GPC5: variants seen among roughly 807,000 people sequenced by gnomAD.
The protein encoded by GPC5 is glypican 5, also known as glypican-5.
A neutral mutation model predicts 53.9 loss-of-function variants in GPC5; 47 were observed. That is an observed-to-expected ratio of 0.87 (90% CI 0.69 to 1.11). GPC5 has a LOEUF of 1.11. GPC5 is among the 50% of genes most tolerant of loss of function. The pLI is 0.00. For synonymous variants in GPC5, 286 were observed against 263.3 expected, an observed-to-expected ratio of 1.09 and a Z score of -0.84; for missense variants, 748 against 713.1, an observed-to-expected ratio of 1.05 and a Z score of -0.56.
chr13:91,437,670 G>A (rs914229180), intron 1 of GPC5, among the ~76,000 whole-genome samples: 1 of 152,092 alleles, frequency 6.6e-6, no homozygotes, highest in Admixed American at 6.6e-5. Flanking sequence ...TATCTTTGTG[G>A]CGTTCTCTGT....
chr13:91,958,170 A>C (rs1266068230), intron 6 of GPC5, among the ~76,000 whole-genome samples: 2 of 151,934 alleles, frequency 1.3e-5, no homozygotes, highest in Non-Finnish European at 1.5e-5. Context: ...TATAGACTGA[A>C]AGTAAAGTGG....
intron 6 of GPC5, among the ~76,000 whole-genome samples, chr13:91,971,785 T>A (rs2040244825): frequency 6.6e-6 from 1 of 152,168 alleles, no homozygotes; most frequent in Non-Finnish European, 1.5e-5. Context: ...TTTGAGTGAG[T>A]TTCTTAATCC....
intron 2 of GPC5, among the ~76,000 whole-genome samples, chr13:91,497,816 C>T (rs778546660): frequency 8.6e-5 from 13 of 152,014 alleles, no homozygotes; most frequent in Non-Finnish European, 1.5e-4. Flanking sequence ...TTTAAATTAT[C>T]GTGGGTACAT....
At chr13:92,593,836 T>A (rs1883787697) in intron 7 of GPC5, among the ~76,000 whole-genome samples, 1 of 152,182 alleles carries the variant, frequency 6.6e-6, no homozygotes, top group African/African-American at 2.4e-5. Flanking sequence ...ACAAAGGTAT[T>A]TCAGTGGATT....
chr13:92,731,336 A>G (rs887027139), intron 7 of GPC5, among the ~76,000 whole-genome samples: 1 of 151,568 alleles, frequency 6.6e-6, no homozygotes, highest in African/African-American at 2.4e-5. Flanking sequence ...TTATTTAATA[A>G]AACAAAAATA....
intron 7 of GPC5, among the ~76,000 whole-genome samples, chr13:92,536,868 C>A (rs1388919090): frequency 3.3e-5 from 5 of 151,844 alleles, no homozygotes; most frequent in South Asian, 2.1e-4. Context: ...AAATTTTAAT[C>A]TTTTATTTTT....
chr13:92,516,344 A>T (rs535750600), intron 7 of GPC5, among the ~76,000 whole-genome samples: 111 of 152,304 alleles, frequency 7.3e-4, no homozygotes, highest in Non-Finnish European at 1.4e-3. Context: ...GTTTTTTATT[A>T]AACTATAAAA....
At position 92,645,723 on chromosome 13, in the gene GPC5, T is replaced by C. The variant is rs529264952; in HGVS notation, c.1562-220559T>C. On this transcript the variant is annotated intron_variant, in intron 7 of 7. Transcript: ENST00000377067. ...ATCTTATCTTTATTTTTATATTAAA[T>C]GTTGCAATAAATGATATTTCCTTGT... 4.6e-5 allele frequency among the ~76,000 whole-genome samples: 7 copies of C among 152,256 alleles called. No individual in the cohort carries two copies. The South Asian group carries it at 1.5e-3, about 32-fold the overall frequency.
chr13:91,608,845 T>C (rs1189953706), intron 2 of GPC5, among the ~76,000 whole-genome samples: 2 of 151,778 alleles, frequency 1.3e-5, no homozygotes, highest in Non-Finnish European at 2.9e-5. Flanking sequence ...GTATTTGCTG[T>C]TAATGATTGG....
intron 7 of GPC5, among the ~76,000 whole-genome samples, chr13:92,527,207 A>AAG (rs1421035079): frequency 3.0e-5 from 1 of 33,142 alleles, no homozygotes; most frequent in Non-Finnish European, 4.7e-5. Context: ...GAAAGAAAGA[A>AAG]AGAAAGAAAG....
At chr13:92,358,506 A>AT (rs1325062565) in intron 7 of GPC5, among the ~76,000 whole-genome samples, 2 of 151,512 alleles carry the variant, frequency 1.3e-5, no homozygotes, top group Admixed American at 6.6e-5. Context: ...CCAACCCCAC[A>AT]TTTCCCCTGT....
At chr13:91,582,092 T>G (rs941632695) in intron 2 of GPC5, among the ~76,000 whole-genome samples, 4 of 152,040 alleles carry the variant, frequency 2.6e-5, no homozygotes, top group African/African-American at 9.7e-5. Flanking sequence ...CTACACCAAG[T>G]AGACATTTTA....
chr13:91,732,682 T>A (rs529075179), intron 4 of GPC5, among the ~76,000 whole-genome samples: 1 of 152,194 alleles, frequency 6.6e-6, no homozygotes, highest in Non-Finnish European at 1.5e-5. Context: ...TTAATCTGTC[T>A]TGAGTTAATT....
At chr13:91,964,550 C>T (rs1322993905) in intron 6 of GPC5, among the ~76,000 whole-genome samples, 1 of 152,068 alleles carries the variant, frequency 6.6e-6, no homozygotes. Flanking sequence ...CTCCAAGTCC[C>T]CTACCCGATT....
At chr13:91,937,323 C>A (rs2039880567) in intron 6 of GPC5, among the ~76,000 whole-genome samples, 1 of 151,928 alleles carries the variant, frequency 6.6e-6, no homozygotes. Context: ...GCAATTATTT[C>A]TTTGAAAATG....
chr13:91,566,641 A>G (rs1419688144), intron 2 of GPC5, among the ~76,000 whole-genome samples: 2 of 152,210 alleles, frequency 1.3e-5, no homozygotes. Flanking sequence ...GTGAGTATTC[A>G]GCAAGCACCA....
At chr13:92,212,079 CAA>C (rs769337977) in intron 7 of GPC5, among the ~76,000 whole-genome samples, 117 of 67,136 alleles carry the variant, frequency 1.7e-3, no homozygotes, top group Non-Finnish European at 1.7e-3. Context: ...CACAATAAAG[CAA>C]AAAAAAAAAA....
chr13:91,672,866 G>T (rs1017205113), intron 2 of GPC5, among the ~76,000 whole-genome samples: 1 of 152,180 alleles, frequency 6.6e-6, no homozygotes, highest in African/African-American at 2.4e-5. Context: ...GATAAGGCAA[G>T]TGTGGTACAA....
intron 7 of GPC5, among the ~76,000 whole-genome samples, chr13:92,383,814 G>GA (rs1044744927): frequency 4.3e-4 from 65 of 152,058 alleles, no homozygotes; most frequent in Middle Eastern, 3.4e-3. Context: ...AAGTTTTTGA[G>GA]AAAAAATCTC....
Sources: allele counts gnomAD v4.1 joint callset (sites outside exome capture counted in the v4.1 genomes callset), GRCh38; gene constraint gnomAD v4.1.1; transcripts MANE v1.5; gene names NCBI Gene and HGNC (gene_info 2026-07-23, HGNC 2026-07-21).